Variants in POLR1D observed in about 807,000 individuals in gnomAD.
POLR1D encodes DNA-directed RNA polymerases I and III subunit RPAC2.
Under a neutral mutation model 10.8 loss-of-function variants are expected in POLR1D, and 8 were observed. The ratio of observed to expected loss-of-function variants is 0.74; its 90% CI spans 0.43 to 1.33. POLR1D has a LOEUF of 1.33. Among genes scored for constraint, POLR1D ranks in the 40% most tolerant of loss-of-function variants. The pLI is 0.01. For missense variants in POLR1D, 152 were observed against 161.7 expected (o/e 0.94, Z 0.32); for synonymous variants, 54 against 57.2 (o/e 0.94, Z 0.25).
intron 1 of POLR1D, among the ~76,000 whole-genome samples, chr13:27,635,735 C>CAT (rs1343900251): frequency 0.013 from 1,566 of 120,488 alleles, 26 homozygotes; most frequent in African/African-American, 0.04. Flanking sequence ...TACATACACA[C>CAT]ATATATATAT....
At chr13:27,659,816 G>A (rs1385251338) in intron 2 of POLR1D, among the ~76,000 whole-genome samples, 2 of 151,454 alleles carry the variant, frequency 1.3e-5, no homozygotes, top group Non-Finnish European at 2.9e-5. Context: ...TGTTCCTCTT[G>A]GTAGTCTCCA....
chr13:27,658,674 A>G (rs1383846172), intron 2 of POLR1D, among the ~76,000 whole-genome samples: 1 of 152,192 alleles, frequency 6.6e-6, no homozygotes, highest in Non-Finnish European at 1.5e-5. Flanking sequence ...ATTTGGTGCT[A>G]TATTCTTCCT....
At chr13:27,666,113 GA>G (rs543960536) in exon 3 of POLR1D, 143 of 645,736 alleles carry the variant, frequency 2.2e-4, no homozygotes, top group African/African-American at 2.0e-3. Context: ...CAAAAAAAAT[GA>G]CCTAGCAACT....
intron 1 of POLR1D, chr13:27,622,479 C>G: frequency 3.5e-6 from 1 of 287,640 alleles, no homozygotes. Flanking sequence ...GCACATTGAT[C>G]ATCTGTATCC....
chr13:27,660,529 A>C (rs932433853), intron 2 of POLR1D, among the ~76,000 whole-genome samples: 1 of 152,198 alleles, frequency 6.6e-6, no homozygotes, highest in Non-Finnish European at 1.5e-5. Flanking sequence ...GGCATGTTTA[A>C]GGGACTCTCC....
chr13:27,656,563 G>A (rs1030050451), intron 2 of POLR1D, among the ~76,000 whole-genome samples: 12 of 152,128 alleles, frequency 7.9e-5, no homozygotes, highest in African/African-American at 2.9e-4. Context: ...CTCTTAAATA[G>A]CACTTAAATT....
chr13:27,653,598 C>T (rs1956285573), intron 2 of POLR1D, among the ~76,000 whole-genome samples: 1 of 152,122 alleles, frequency 6.6e-6, no homozygotes, highest in Admixed American at 6.5e-5. Context: ...AGGATACTTG[C>T]ACTCTTACGT....
chr13:27,622,783 A>G (rs186081951), intron 1 of POLR1D, 92 bp from the exon 2 acceptor site: 55 of 762,228 alleles, frequency 7.2e-5, no homozygotes, highest in East Asian at 5.4e-4. Flanking sequence ...GATTAATAAT[A>G]ATGTGTTGCA....
intron 1 of POLR1D, among the ~76,000 whole-genome samples, chr13:27,634,724 G>T (rs1593282062): frequency 6.8e-6 from 1 of 146,742 alleles, no homozygotes. Context: ...CACCCAGGCT[G>T]GAGTGCAGTG....
chr13:27,665,664 T>A (rs1021999774), intron 2 of POLR1D: 10 of 1,611,678 alleles, frequency 6.2e-6, no homozygotes, highest in Non-Finnish European at 8.5e-6. Context: ...TGATGGTTTT[T>A]CTTTTCTCCT....
chr13:27,623,089 A>G lies in POLR1D; in HGVS notation c.241A>G (p.Asn81Asp). Residue 81 changes from asparagine to aspartate, a missense_variant, in exon 2 of 2, where the codon AAT (asparagine) becomes GAT (aspartate). Asn to Asp is a conservative substitution (Grantham distance 23, BLOSUM62 1). Coordinates refer to ENST00000302979, the MANE Select transcript of POLR1D (RefSeq NM_015972.4). Reference protein sequence around the residue: ...TTTHPSESKINLRIQTRGTLP... With the variant: ...TTTHPSESKIDLRIQTRGTLP... Reference sequence around the variant, plus strand: ...GACCCATCCTTCAGAGAGCAAAATTAATTTACGCATTCAGACTCGAGGTAC... The same window carrying G: ...GACCCATCCTTCAGAGAGCAAAATTGATTTACGCATTCAGACTCGAGGTAC... The G allele has an allele frequency of 2.5e-6, 4 of 1,614,206 alleles. No individual in the cohort carries two copies. Among genetic ancestry groups the G allele is most frequent in the Non-Finnish European group, 3.4e-6 (4 of 1,180,036 alleles).
downstream of POLR1D, among the ~76,000 whole-genome samples, chr13:27,624,944 C>A (rs562829760): frequency 7.2e-5 from 11 of 151,942 alleles, no homozygotes; most frequent in South Asian, 1.0e-3. Context: ...AATGTAGGGT[C>A]AAGATAGAAA....
At chr13:27,642,033 C>T (rs1373097004) in intron 1 of POLR1D, among the ~76,000 whole-genome samples, 1 of 152,164 alleles carries the variant, frequency 6.6e-6, no homozygotes, top group Admixed American at 6.5e-5. Flanking sequence ...TGTAGTGGCA[C>T]CCTCCACTCC....
intron 1 of POLR1D, chr13:27,646,252 A>G (rs1956219544): frequency 6.6e-6 from 1 of 152,170 alleles, no homozygotes; most frequent in Non-Finnish European, 1.5e-5. Context: ...AAACTACCAC[A>G]CTAATTTATG....
At chr13:27,624,250 C>A (rs1274766789), downstream of POLR1D, among the ~76,000 whole-genome samples, 2 of 152,176 alleles carry the variant, frequency 1.3e-5, no homozygotes, top group Non-Finnish European at 2.9e-5. Flanking sequence ...CCTGTGTTTC[C>A]TGGCCTTGGC....
chr13:27,621,422 C>T (rs1368994666), upstream of POLR1D: 1 of 152,320 alleles, frequency 6.6e-6, no homozygotes, highest in East Asian at 1.9e-4. Context: ...GCACGTGACC[C>T]CCCTCCCTCT....
intron 2 of POLR1D, among the ~76,000 whole-genome samples, chr13:27,661,718 T>C (rs968032546): frequency 6.6e-6 from 1 of 152,130 alleles, no homozygotes; most frequent in African/African-American, 2.4e-5. Flanking sequence ...AAGAAATAAT[T>C]TCCTAATGTG....
chr13:27,659,906 G>GTATATA (rs142807905), intron 2 of POLR1D, among the ~76,000 whole-genome samples: 15,879 of 144,868 alleles, frequency 0.11, 913 homozygotes, highest in Non-Finnish European at 0.12. Flanking sequence ...TATCTCAGGT[G>GTATATA]TATATATATA....
chr13:27,642,774 A>T (rs1431427226), intron 1 of POLR1D, among the ~76,000 whole-genome samples: 1 of 152,216 alleles, frequency 6.6e-6, no homozygotes, highest in Non-Finnish European at 1.5e-5. Flanking sequence ...ATCCAAATCA[A>T]ATATTTTATT....
Sources: gnomAD v4.1 joint callset for allele counts (sites outside exome capture counted in the v4.1 genomes callset) on GRCh38, gnomAD v4.1.1 for gene constraint, MANE v1.5 for transcripts, NCBI Gene and HGNC (gene_info 2026-07-23, HGNC 2026-07-21) for gene names.